Variants in NETO2 observed in about 807,000 individuals in gnomAD.
NETO2 encodes the protein neuropilin and tolloid like 2.
NETO2 carries 28 observed loss-of-function variants against 62.5 expected under a neutral mutation model. The ratio of observed to expected loss-of-function variants is 0.45; its 90% CI spans 0.33 to 0.61. The LOEUF (loss-of-function observed/expected upper bound fraction) is 0.61, where lower values mean the gene tolerates loss of function less well. Among genes scored for constraint, NETO2 ranks in the 20% least tolerant of loss-of-function variants. The pLI is 0.02. For missense variants in NETO2, 548 were observed against 643.2 expected (o/e 0.85, Z 1.60); for synonymous variants, 214 against 219.1 (o/e 0.98, Z 0.21).
chr16:47,143,763 T>A lies in NETO2; in HGVS notation c.-151A>T. 9.4e-7 allele frequency: 1 copy of A among 1,066,078 alleles called. No individual in the cohort carries two copies. Among genetic ancestry groups the A allele is most frequent in the Non-Finnish European group, 1.2e-6 (1 of 845,880 alleles). The allele number at this position is 1,066,078 out of a possible 1,614,324, so 66.0% of individuals were successfully genotyped here. A position where few individuals can be genotyped will look rare whatever the true frequency, so the allele number is the denominator to read the frequency against. Reference sequence around the variant, plus strand: ...GCTCCCCTGAGGAGAGCTCAGGTCCTGCGGCCCGCCATGCCCGAGCCCCAC... The same window carrying A: ...GCTCCCCTGAGGAGAGCTCAGGTCCAGCGGCCCGCCATGCCCGAGCCCCAC... On this transcript the variant is annotated 5_prime_UTR_variant, in exon 1 of 9. Transcript: ENST00000562435.
At chr16:47,110,670 A>G (rs1342256345) in intron 6 of NETO2, among the ~76,000 whole-genome samples, 1 of 152,186 alleles carries the variant, frequency 6.6e-6, no homozygotes, top group Admixed American at 6.5e-5. Context: ...GAGTGAATAA[A>G]GATTACCTTT....
At chr16:47,133,391 C>T (rs933285368) in intron 1 of NETO2, among the ~76,000 whole-genome samples, 8 of 145,132 alleles carry the variant, frequency 5.5e-5, no homozygotes, top group African/African-American at 7.7e-5. Context: ...CCTGTCTCTA[C>T]GGAAAAAAAA....
chr16:47,111,539 T>G (rs1180330460), intron 6 of NETO2, among the ~76,000 whole-genome samples: 1 of 152,212 alleles, frequency 6.6e-6, no homozygotes, highest in African/African-American at 2.4e-5. Flanking sequence ...CTACTTTTCT[T>G]TTACTCCAGA....
At chr16:47,115,633 T>A (rs912721517) in intron 6 of NETO2, among the ~76,000 whole-genome samples, 1 of 149,168 alleles carries the variant, frequency 6.7e-6, no homozygotes, top group Non-Finnish European at 1.5e-5. Context: ...GCTTAAGTGA[T>A]CCTCCTGCCT....
chr16:47,140,455 C>A (rs943222097), intron 1 of NETO2, among the ~76,000 whole-genome samples: 1 of 152,140 alleles, frequency 6.6e-6, no homozygotes, highest in African/African-American at 2.4e-5. Context: ...TCTAGTCTAT[C>A]ATTTTTCTAT....
In NETO2 at chr16:47,083,096, TTAA is replaced by T; in HGVS notation, c.*122_*124del. 1.2e-6 allele frequency: 1 copy of T among 805,568 alleles called. No homozygotes were observed. Among genetic ancestry groups the T allele is most frequent in the East Asian group, 2.6e-5 (1 of 38,870 alleles). 49.9% of individuals were successfully genotyped at this position (805,568 alleles called of 1,614,324 possible). A position where few individuals can be genotyped will look rare whatever the true frequency, so the allele number is the denominator to read the frequency against. On this transcript the variant is annotated 3_prime_UTR_variant, in exon 9 of 9. Coordinates refer to ENST00000562435, the MANE Select transcript of NETO2 (RefSeq NM_018092.5). Reference sequence around the variant, plus strand: ...AATAAAAACATCACCATACAATAGGTTAACGGTAAATCAAGGTCTTCGTAGTTG... The same window carrying T: ...AATAAAAACATCACCATACAATAGGTCGGTAAATCAAGGTCTTCGTAGTTG...
At position 47,128,542 on chromosome 16, in the gene NETO2, A is replaced by G. The variant is rs756613801; in HGVS notation, c.264T>C (p.Phe88=). 5 of 1,613,344 alleles carry G rather than the reference A, an allele frequency of 3.1e-6. No individual in the cohort carries two copies. The South Asian group carries it at 5.5e-5, about 18-fold the overall frequency. ...AAPRQRIELT[F]DEHYYIEPSF... is the part of the protein sequence containing the mutation. ...ATGGTTCTATATAATAATGTTCATC[A>G]AAGGTCAACTCTATTCTTTGACGTG... The change falls in exon 4 of 9, where the codon TTT becomes TTC. Residue 88 remains phenylalanine, a synonymous_variant. Coordinates refer to ENST00000562435, the MANE Select transcript of NETO2 (RefSeq NM_018092.5).
intron 4 of NETO2, among the ~76,000 whole-genome samples, chr16:47,127,476 TTAC>T (rs1964180561): frequency 6.6e-6 from 1 of 152,254 alleles, no homozygotes; most frequent in African/African-American, 2.4e-5. Context: ...AGAGTAAATA[TTAC>T]AAGACAAAAG....
intron 7 of NETO2, among the ~76,000 whole-genome samples, chr16:47,108,324 G>A (rs1043916131): frequency 1.3e-5 from 2 of 152,098 alleles, no homozygotes; most frequent in African/African-American, 4.8e-5. Context: ...AGAAGATATT[G>A]GCATAGTCTC....
At chr16:47,140,739 CTAGTT>C (rs1418091177) in intron 1 of NETO2, among the ~76,000 whole-genome samples, 1 of 152,132 alleles carries the variant, frequency 6.6e-6, no homozygotes, top group African/African-American at 2.4e-5. Flanking sequence ...TTCTGTATAA[CTAGTT>C]TATAGTCCTG....
intron 3 of NETO2, among the ~76,000 whole-genome samples, chr16:47,128,788 A>G (rs1016147393): frequency 5.3e-5 from 8 of 152,212 alleles, no homozygotes; most frequent in Non-Finnish European, 1.0e-4. Context: ...GGCATATGCT[A>G]TCTACTAAAT....
intron 7 of NETO2, among the ~76,000 whole-genome samples, chr16:47,088,506 C>T (rs1418018256): frequency 2.6e-5 from 4 of 152,170 alleles, no homozygotes; most frequent in African/African-American, 9.7e-5. Context: ...ATATTTGCTG[C>T]ACCAAGGAGG....
Position 47,083,221 on chromosome 16 carries a change from T to C in NETO2, c.1578A>G (p.Ter526=). Residue 526 remains the stop codon, a stop_retained_variant, in exon 9 of 9, where the codon TAA becomes TAG. Coordinates refer to ENST00000562435, the MANE Select transcript of NETO2 (RefSeq NM_018092.5). ...SAQASISIDF[*] ...AATTCACATCACCATTAGCAGAAGATTAGAAGTCAATGGATATGGATGCTT... is the reference window on the plus strand; with the variant it reads ...AATTCACATCACCATTAGCAGAAGACTAGAAGTCAATGGATATGGATGCTT... 2 of 1,604,076 alleles carry C rather than the reference T, an allele frequency of 1.2e-6. No homozygotes were observed. The highest frequency in any genetic ancestry group is 1.7e-6 in the Non-Finnish European group (2 of 1,174,342).
At chr16:47,084,070 C>A (rs1288515913) in intron 8 of NETO2, among the ~76,000 whole-genome samples, 2 of 152,314 alleles carry the variant, frequency 1.3e-5, no homozygotes, top group African/African-American at 4.8e-5. Flanking sequence ...TTCTGCAAAT[C>A]AAATCAAATA....
chr16:47,101,871 A>G (rs897758311), intron 7 of NETO2, among the ~76,000 whole-genome samples: 1 of 152,150 alleles, frequency 6.6e-6, no homozygotes, highest in Non-Finnish European at 1.5e-5. Flanking sequence ...AGTAATTTAT[A>G]GATTCAATGC....
At chr16:47,119,032 TTC>T (rs763117521) in intron 6 of NETO2, among the ~76,000 whole-genome samples, 2 of 152,158 alleles carry the variant, frequency 1.3e-5, no homozygotes, top group East Asian at 3.8e-4. Flanking sequence ...AAGAAACAGT[TTC>T]TTTCCTTTTT....
chr16:47,087,742 CTTCT>C (rs1214278911), intron 7 of NETO2, among the ~76,000 whole-genome samples: 2 of 152,038 alleles, frequency 1.3e-5, no homozygotes, highest in Non-Finnish European at 2.9e-5. Context: ...GGAATGGCTC[CTTCT>C]TTCTCTTTGT....
At chr16:47,117,152 A>T (rs1963940409) in intron 6 of NETO2, among the ~76,000 whole-genome samples, 1 of 152,170 alleles carries the variant, frequency 6.6e-6, no homozygotes, top group Non-Finnish European at 1.5e-5. Context: ...CTTGCATCAC[A>T]GTTCCCCTTA....
intron 7 of NETO2, among the ~76,000 whole-genome samples, chr16:47,093,067 G>A (rs1250817008): frequency 6.6e-6 from 1 of 152,036 alleles, no homozygotes; most frequent in Non-Finnish European, 1.5e-5. Flanking sequence ...TCATATCCAT[G>A]CCCCAGCTAA....
Sources: allele counts gnomAD v4.1 joint callset (sites outside exome capture counted in the v4.1 genomes callset), GRCh38; gene constraint gnomAD v4.1.1; transcripts MANE v1.5; gene names NCBI Gene and HGNC (gene_info 2026-07-23, HGNC 2026-07-21).